Variants in EXOC6B observed in about 807,000 individuals in gnomAD.
The protein encoded by EXOC6B is exocyst complex component 6B, also known as SEC15 homolog B.
Under a neutral mutation model 113.5 loss-of-function variants are expected in EXOC6B, and 54 were observed. The ratio of observed to expected loss-of-function variants is 0.48; its 90% CI spans 0.38 to 0.60. The LOEUF is 0.60. EXOC6B is among the 20% of genes least tolerant of loss of function. The pLI, the probability that EXOC6B is intolerant of heterozygous loss-of-function variation, is 0.00. For missense variants in EXOC6B, 797 were observed against 977.5 expected (o/e 0.82, Z 2.46); for synonymous variants, 357 against 339.0 (o/e 1.05, Z -0.58).
chr2:72,376,978 A>G (rs1157305309), intron 19 of EXOC6B, among the ~76,000 whole-genome samples: 1 of 152,094 alleles, frequency 6.6e-6, no homozygotes, highest in Non-Finnish European at 1.5e-5. Flanking sequence ...TTAATATCCA[A>G]AATATGTCAA....
chr2:72,269,231 G>C (rs566390824), intron 20 of EXOC6B, among the ~76,000 whole-genome samples: 1 of 152,152 alleles, frequency 6.6e-6, no homozygotes, highest in South Asian at 2.1e-4. Context: ...AGTCTGGACA[G>C]TGGGAATACA....
At chr2:72,497,318 T>C (rs1156858234) in intron 13 of EXOC6B, among the ~76,000 whole-genome samples, 4 of 152,062 alleles carry the variant, frequency 2.6e-5, no homozygotes, top group African/African-American at 9.7e-5. Flanking sequence ...ACTTTCAAAA[T>C]TGGCAAACAG....
intron 20 of EXOC6B, among the ~76,000 whole-genome samples, chr2:72,235,822 C>G (rs1681925883): frequency 6.6e-6 from 1 of 152,072 alleles, no homozygotes; most frequent in Admixed American, 6.6e-5. Context: ...TCTGCCATCA[C>G]CTTTTCTTCC....
At chr2:72,600,441 CA>C (rs57908608) in intron 6 of EXOC6B, among the ~76,000 whole-genome samples, 47 of 87,434 alleles carry the variant, frequency 5.4e-4, no homozygotes, top group African/African-American at 1.7e-3. Flanking sequence ...GACCTTATCT[CA>C]AAAAAAAAAA....
At position 72,498,772 on chromosome 2, in the gene EXOC6B, T is replaced by G. The variant is rs551514339; in HGVS notation, c.1240-221A>C. Among the ~76,000 whole-genome samples the G allele has an allele frequency of 4.6e-4, 70 of 152,016 alleles. No homozygotes were observed. The South Asian group carries it at 0.014, about 31-fold the overall frequency. ...ATACCTAGCAAAATGTTTAAGCCAG[T>G]GAGAAAAAGATGAAAATTAAAATCT... On this transcript the variant is annotated intron_variant, in intron 12 of 21. Coordinates refer to ENST00000272427, the MANE Select transcript of EXOC6B (RefSeq NM_015189.3).
rs772057696 is a variant in EXOC6B, at chr2:72,825,936, C to A, written c.-26G>T. The A allele has an allele frequency of 1.9e-6, 3 of 1,609,102 alleles. No individual in the cohort carries two copies. The highest frequency in any genetic ancestry group is 2.7e-5 in the African/African-American group (2 of 74,930). Reference sequence around the variant, plus strand: ...AGACTGGGGGCGCCCCGCAGCGCGTCCCCTCCGTCGGCTCGGCTCACCTTT... The same window carrying A: ...AGACTGGGGGCGCCCCGCAGCGCGTACCCTCCGTCGGCTCGGCTCACCTTT... On this transcript the variant is annotated 5_prime_UTR_variant, in exon 1 of 22. Coordinates refer to ENST00000272427, the MANE Select transcript of EXOC6B (RefSeq NM_015189.3). The surrounding 1 kb of genome is among the most constrained non-coding windows in gnomAD (Gnocchi z 4.4).
intron 20 of EXOC6B, among the ~76,000 whole-genome samples, chr2:72,271,911 T>C (rs1477575434): frequency 2.0e-5 from 3 of 152,250 alleles, no homozygotes; most frequent in East Asian, 1.9e-4. Context: ...CAAGGTCACA[T>C]AGAGGTAAAG....
intron 6 of EXOC6B, among the ~76,000 whole-genome samples, chr2:72,632,848 A>C (rs1672565318): frequency 6.6e-6 from 1 of 152,036 alleles, no homozygotes. Flanking sequence ...TTCCCAGCTA[A>C]TTTGTTAATA....
chr2:72,499,936 T>C lies in EXOC6B; in HGVS notation c.1204A>G (p.Lys402Glu), dbSNP rs1280218104. 1 of 1,553,616 alleles carries C rather than the reference T, an allele frequency of 6.4e-7. No individual in the cohort carries two copies. The highest frequency in any genetic ancestry group is 1.2e-5 in the South Asian group (1 of 84,130). ...CSDPNLVLDL[K>E]NLIVLFADTL... is the part of the protein sequence containing the mutation. ...TCAGCAAAAAGCACAATGAGGTTCT[T>C]CAAATCTAACACAAGGTTTGGATCA... Residue 402 changes from lysine (K) to glutamate (E), a missense_variant, in exon 12 of 22, where the codon AAG (lysine) becomes GAG (glutamate). By Grantham distance (56) the Lys-to-Glu change is moderately conservative. Coordinates refer to ENST00000272427, the MANE Select transcript of EXOC6B (RefSeq NM_015189.3).
chr2:72,597,003 G>C (rs1210533696), intron 6 of EXOC6B, among the ~76,000 whole-genome samples: 1 of 150,306 alleles, frequency 6.7e-6, no homozygotes, highest in Non-Finnish European at 1.5e-5. Context: ...TTATTGTACA[G>C]CTATCTCTAT....
chr2:72,208,079 TA>T (rs1193986884), intron 20 of EXOC6B, among the ~76,000 whole-genome samples: 6 of 152,106 alleles, frequency 3.9e-5, no homozygotes, highest in Admixed American at 1.3e-4. Flanking sequence ...TTCATCTTTT[TA>T]AAAAAAATTT....
At chr2:72,568,967 A>G (rs7577238) in intron 7 of EXOC6B, among the ~76,000 whole-genome samples, 93,479 of 151,778 alleles carry the variant, frequency 0.62, 34,986 homozygotes, top group East Asian at 0.99. Context: ...CACAAAAAAA[A>G]AAAAAAGAAA....
At chr2:72,514,915 C>T (rs1003473740) in intron 9 of EXOC6B, 128 bp downstream of exon 9, 16 of 878,988 alleles carry the variant, frequency 1.8e-5, no homozygotes, top group Admixed American at 1.4e-4. Context: ...TCACATCCAC[C>T]AAAAGTGGTC....
At chr2:72,212,747 T>C (rs931479354) in intron 20 of EXOC6B, among the ~76,000 whole-genome samples, 1 of 152,144 alleles carries the variant, frequency 6.6e-6, no homozygotes, top group Non-Finnish European at 1.5e-5. Flanking sequence ...CACTATAAAG[T>C]GAACAAAAAA....
intron 13 of EXOC6B, among the ~76,000 whole-genome samples, chr2:72,498,001 T>C (rs1700125657): frequency 6.6e-6 from 1 of 152,136 alleles, no homozygotes; most frequent in Non-Finnish European, 1.5e-5. Context: ...AGAGGGAAGA[T>C]GATGAGGAAC....
chr2:72,645,391 G>A (rs1673628777), intron 6 of EXOC6B, among the ~76,000 whole-genome samples: 2 of 151,970 alleles, frequency 1.3e-5, no homozygotes, highest in South Asian at 4.1e-4. Flanking sequence ...TGAGACAGAA[G>A]GTTAACAAGG....
chr2:72,399,626 T>C (rs557563285), intron 18 of EXOC6B, among the ~76,000 whole-genome samples: 16 of 152,266 alleles, frequency 1.1e-4, no homozygotes, highest in Non-Finnish European at 1.9e-4. Context: ...CAAAAATCAG[T>C]AGCATTTCCA....
At chr2:72,274,132 A>T (rs534710949) in intron 20 of EXOC6B, among the ~76,000 whole-genome samples, 14 of 152,280 alleles carry the variant, frequency 9.2e-5, no homozygotes, top group African/African-American at 3.4e-4. Flanking sequence ...GCTTCTAACT[A>T]TCTGAATGTG....
At chr2:72,562,001 C>T (rs1443005859) in intron 7 of EXOC6B, among the ~76,000 whole-genome samples, 2 of 152,106 alleles carry the variant, frequency 1.3e-5, no homozygotes, top group Admixed American at 6.5e-5. Context: ...CAACCTTTAC[C>T]TCTACTCCCA....
Sources: allele counts gnomAD v4.1 joint callset (sites outside exome capture counted in the v4.1 genomes callset), GRCh38; gene constraint gnomAD v4.1.1; non-coding constraint Gnocchi (gnomAD v3.1); transcripts MANE v1.5; gene names NCBI Gene and HGNC (gene_info 2026-07-23, HGNC 2026-07-21).